SPATA6: variants seen among roughly 807,000 people sequenced by gnomAD.
SPATA6 encodes spermatogenesis-associated protein 6.
A neutral mutation model predicts 65.3 loss-of-function variants in SPATA6; 56 were observed. The observed-to-expected ratio is 0.86, with a 90% confidence interval of 0.69 to 1.07. The LOEUF is 1.07. Ranked by LOEUF, SPATA6 falls within the 50% of genes least tolerant of loss-of-function variation. The pLI, the probability that SPATA6 is intolerant of heterozygous loss-of-function variation, is 0.00. For missense variants in SPATA6, 590 were observed against 594.8 expected, an observed-to-expected ratio of 0.99 and a Z score of 0.08; for synonymous variants, 199 against 213.2, an observed-to-expected ratio of 0.93 and a Z score of 0.58.
intron 11 of SPATA6, among the ~76,000 whole-genome samples, chr1:48,344,533 C>T (rs1370261507): frequency 6.6e-6 from 1 of 152,094 alleles, no homozygotes; most frequent in Non-Finnish European, 1.5e-5. Flanking sequence ...CATATAAACA[C>T]TAAACTTAAA....
intron 1 of SPATA6, among the ~76,000 whole-genome samples, chr1:48,461,427 G>A (rs1261786608): frequency 6.6e-6 from 1 of 152,090 alleles, no homozygotes; most frequent in African/African-American, 2.4e-5. Flanking sequence ...CCTATGTCCT[G>A]AATGGTAATG....
At chr1:48,267,667 T>TTGATATCC in the SPATA6 span, among the ~76,000 whole-genome samples, 3 of 151,884 alleles carry the variant, frequency 2.0e-5, no homozygotes, top group Non-Finnish European at 2.9e-5. Context: ...TCTGCTCCTC[T>TTGATATCC]TGATATCCAG....
chr1:48,359,157 T>C (rs1317608720), intron 10 of SPATA6, among the ~76,000 whole-genome samples: 2 of 152,186 alleles, frequency 1.3e-5, no homozygotes, highest in East Asian at 3.8e-4. Flanking sequence ...AAGATGCTCT[T>C]AGGGAGCTGG....
the SPATA6 span, among the ~76,000 whole-genome samples, chr1:48,275,004 T>C: frequency 6.6e-6 from 1 of 152,212 alleles, no homozygotes; most frequent in Non-Finnish European, 1.5e-5. Context: ...TTATGTCCTC[T>C]CTTATTTCTC....
chr1:48,450,919 C>A (rs962916883), intron 3 of SPATA6, among the ~76,000 whole-genome samples: 16 of 152,096 alleles, frequency 1.1e-4, no homozygotes, highest in Admixed American at 1.0e-3. Context: ...GATCCCAGAG[C>A]CCTTTCAAAT....
intron 1 of SPATA6, among the ~76,000 whole-genome samples, chr1:48,456,593 C>G (rs941746112): frequency 6.6e-6 from 1 of 151,764 alleles, no homozygotes; most frequent in Non-Finnish European, 1.5e-5. Context: ...GTAAATAATA[C>G]AAAGAACTAA....
intron 3 of SPATA6, among the ~76,000 whole-genome samples, chr1:48,440,791 T>C (rs1489348208): frequency 6.6e-6 from 1 of 152,140 alleles, no homozygotes; most frequent in Non-Finnish European, 1.5e-5. Flanking sequence ...GTCACAGATA[T>C]CAGGAGAAAG....
the SPATA6 span, among the ~76,000 whole-genome samples, chr1:48,288,338 T>C: frequency 6.6e-6 from 1 of 152,208 alleles, no homozygotes; most frequent in South Asian, 2.1e-4. Flanking sequence ...CCTTTTCTAA[T>C]TATTGAAAGT....
rs569914582 is a variant in SPATA6 at position 48,359,587 on chromosome 1, T to G, written c.1093A>C (p.Arg365=). 1 of 1,612,566 alleles carries G rather than the reference T, an allele frequency of 6.2e-7. No individual in the cohort carries two copies. The highest frequency in any genetic ancestry group is 1.3e-5 in the African/African-American group (1 of 75,008). ...GAAATGAAGACCGCACATAATTACC[T>G]TTCCCTGAGAGAAGCTCTATTTAAC... The part of the protein sequence containing the change: ...PVLNRASLRE[R]FHSDWCSPSN... The change falls in exon 10 of 13, where the codon AGA becomes CGA. Residue 365 remains arginine (R), a splice_region_variant and synonymous_variant. Transcript: ENST00000371847.
intron 11 of SPATA6, among the ~76,000 whole-genome samples, chr1:48,314,999 C>T (rs537907070): frequency 1.2e-3 from 180 of 152,144 alleles, no homozygotes; most frequent in Admixed American, 2.1e-3. Flanking sequence ...CAGGAAGAAG[C>T]TGAATCTCTG....
At chr1:48,305,711 C>A in intron 12 of SPATA6, 76 bp downstream of exon 12, 2 of 1,064,102 alleles carry the variant, frequency 1.9e-6, no homozygotes, top group South Asian at 1.9e-5. Flanking sequence ...TCTAAATTTC[C>A]CATAAATTCA....
intron 3 of SPATA6, among the ~76,000 whole-genome samples, chr1:48,445,053 T>C (rs939845046): frequency 1.3e-5 from 2 of 152,186 alleles, no homozygotes; most frequent in African/African-American, 2.4e-5. Context: ...TTTTAGACAA[T>C]AGGAAATGTA....
At chr1:48,413,256 C>A in intron 3 of SPATA6, 105 bp from the exon 4 acceptor site, 2 of 383,796 alleles carry the variant, frequency 5.2e-6, no homozygotes, top group South Asian at 3.9e-5. Context: ...ACTAGGTAGA[C>A]TACATATATG....
intron 4 of SPATA6, 118 bp from the exon 5 acceptor site, chr1:48,411,706 T>C (rs1164079695): frequency 6.8e-6 from 6 of 887,910 alleles, no homozygotes; most frequent in African/African-American, 3.5e-5. Context: ...TTTTGGGTCA[T>C]GTTTATTTTC....
intron 3 of SPATA6, among the ~76,000 whole-genome samples, chr1:48,414,803 G>C (rs1189004099): frequency 2.4e-4 from 36 of 152,012 alleles, no homozygotes; most frequent in Admixed American, 2.4e-3. Flanking sequence ...ACTTACATAA[G>C]GCATACTACA....
chr1:48,283,364 T>A, the SPATA6 span, among the ~76,000 whole-genome samples: 3,770 of 151,174 alleles, frequency 0.025, 101 homozygotes, highest in African/African-American at 0.068. Context: ...AAAAAATTTT[T>A]AAAAAAGATA....
chr1:48,312,635 A>C (rs1645254695), intron 11 of SPATA6, among the ~76,000 whole-genome samples: 1 of 152,190 alleles, frequency 6.6e-6, no homozygotes. Context: ...TAAAAATCAG[A>C]GCACCTCTCC....
the SPATA6 span, among the ~76,000 whole-genome samples, chr1:48,274,029 G>A: frequency 1.1e-3 from 164 of 152,042 alleles, no homozygotes; most frequent in African/African-American, 3.8e-3. Context: ...TTTAATGATC[G>A]CCATTTTAAC....
At position 48,437,229 on chromosome 1, in the gene SPATA6, C is replaced by T. The variant is rs535047298; in HGVS notation, c.238+14323G>A. 6 of 1,612,554 alleles carry T rather than the reference C, an allele frequency of 3.7e-6. No individual in the cohort carries two copies. The East Asian group carries it at 1.3e-4, about 36-fold the overall frequency. On this transcript the variant is annotated intron_variant, in intron 3 of 12. Transcript: ENST00000371847. ...ACTCATACTTGGAATTCTAGGGCTG[C>T]CAAATCATTTCATGTCCTATATACT...
Sources: allele counts gnomAD v4.1 joint callset (sites outside exome capture counted in the v4.1 genomes callset), GRCh38; gene constraint gnomAD v4.1.1; transcripts MANE v1.5; gene names NCBI Gene and HGNC (gene_info 2026-07-23, HGNC 2026-07-21).